Variants in AOPEP observed in about 807,000 individuals in gnomAD.
AOPEP encodes the protein aminopeptidase O.
A neutral mutation model predicts 98.1 loss-of-function variants in AOPEP; 77 were observed. The ratio of observed to expected loss-of-function variants is 0.78; its 90% CI spans 0.65 to 0.95. The LOEUF is 0.95. Among genes scored for constraint, AOPEP ranks in the 40% least tolerant of loss-of-function variants. The probability of loss-of-function intolerance (pLI) is 0.00; values close to 1 mark genes in which losing one functional copy is unlikely to be tolerated. For missense variants in AOPEP, 1,024 were observed against 1,024.7 expected (o/e 1.00, Z 0.01); for synonymous variants, 346 against 365.3 (o/e 0.95, Z 0.60).
At chr9:94,942,931 T>C (rs1200614568) in intron 7 of AOPEP, among the ~76,000 whole-genome samples, 1 of 147,198 alleles carries the variant, frequency 6.8e-6, no homozygotes, top group Non-Finnish European at 1.5e-5. Flanking sequence ...AAAAAAATCA[T>C]TTACAGTAGC....
chr9:94,880,026 T>C (rs748790045), intron 5 of AOPEP, among the ~76,000 whole-genome samples: 5 of 152,252 alleles, frequency 3.3e-5, no homozygotes, highest in African/African-American at 4.8e-5. Flanking sequence ...CCAAATTAAA[T>C]GCATTGCACT....
At chr9:95,114,678 TCA>T in the AOPEP span, 3 of 1,614,184 alleles carry the variant, frequency 1.9e-6, no homozygotes, top group Non-Finnish European at 8.5e-7. Context: ...GAAATATGCT[TCA>T]GTGTCTGGAG....
chr9:95,082,798 A>C (rs1475986012), intron 16 of AOPEP, 79 bp downstream of exon 16: 2 of 1,521,906 alleles, frequency 1.3e-6, no homozygotes, highest in Non-Finnish European at 1.8e-6. Flanking sequence ...CAGTAAGCCG[A>C]ATAGTTAGCC....
intron 14 of AOPEP, among the ~76,000 whole-genome samples, chr9:95,069,256 C>T (rs1287735363): frequency 1.3e-5 from 2 of 152,268 alleles, no homozygotes; most frequent in South Asian, 2.1e-4. Context: ...TGGGGAGGTC[C>T]TCCAGGCTGA....
intron 5 of AOPEP, among the ~76,000 whole-genome samples, chr9:94,823,102 T>G (rs774780449): frequency 6.6e-6 from 1 of 152,184 alleles, no homozygotes; most frequent in Non-Finnish European, 1.5e-5. Flanking sequence ...GTTCAAGTGA[T>G]TCTCCTGCCT....
At chr9:95,102,470 T>C in the AOPEP span, among the ~76,000 whole-genome samples, 1 of 152,212 alleles carries the variant, frequency 6.6e-6, no homozygotes. Flanking sequence ...AGGGTGAGAA[T>C]CTTACAATTT....
intron 7 of AOPEP, among the ~76,000 whole-genome samples, chr9:94,934,334 T>TTTTTTTG (rs1156808051): frequency 6.8e-6 from 1 of 147,852 alleles, no homozygotes; most frequent in African/African-American, 2.5e-5. Flanking sequence ...TTTTTTTTTT[T>TTTTTTTG]GAGACAGAGT....
intron 5 of AOPEP, among the ~76,000 whole-genome samples, chr9:94,922,748 C>T (rs961309391): frequency 2.0e-5 from 3 of 152,166 alleles, no homozygotes; most frequent in Admixed American, 6.5e-5. Flanking sequence ...TTTCTGGTGT[C>T]CTCTTCAGAG....
chr9:94,736,641 G>T (rs2131821996), intron 1 of AOPEP, among the ~76,000 whole-genome samples: 1 of 152,278 alleles, frequency 6.6e-6, no homozygotes, highest in Non-Finnish European at 1.5e-5. Context: ...TGGGTGGTCT[G>T]ATACCACCTT....
chr9:94,942,675 G>A (rs1219382711), intron 7 of AOPEP, among the ~76,000 whole-genome samples: 3 of 152,056 alleles, frequency 2.0e-5, no homozygotes, highest in Non-Finnish European at 4.4e-5. Context: ...TAAATCCTAA[G>A]TAATCCTCCA....
At chr9:95,142,770 C>A in the AOPEP span, among the ~76,000 whole-genome samples, 1 of 152,200 alleles carries the variant, frequency 6.6e-6, no homozygotes, top group African/African-American at 2.4e-5. Flanking sequence ...CCCCGAGCTG[C>A]GAGTGTTAGA....
At chr9:94,941,576 G>C (rs1457282815) in intron 7 of AOPEP, among the ~76,000 whole-genome samples, 2 of 152,348 alleles carry the variant, frequency 1.3e-5, no homozygotes, top group Middle Eastern at 3.4e-3. Context: ...ACCAGCCTGA[G>C]CTGCCCACTC....
At chr9:94,778,692 T>C (rs538070419) in intron 3 of AOPEP, among the ~76,000 whole-genome samples, 113 of 152,280 alleles carry the variant, frequency 7.4e-4, no homozygotes, top group Non-Finnish European at 1.3e-3. Context: ...ATTATGTAAG[T>C]GTGTTTATCT....
chr9:94,998,012 G>T (rs1032406961), intron 11 of AOPEP, among the ~76,000 whole-genome samples: 2 of 151,994 alleles, frequency 1.3e-5, no homozygotes, highest in South Asian at 4.2e-4. Flanking sequence ...AACTCTTTAA[G>T]GTTATAATGT....
chr9:94,953,223 A>G (rs1164387022), intron 7 of AOPEP, among the ~76,000 whole-genome samples: 1 of 152,214 alleles, frequency 6.6e-6, no homozygotes, highest in Admixed American at 6.5e-5. Flanking sequence ...CAAACCTGAG[A>G]GCAGTGAAAA....
At chr9:95,067,806 C>T (rs752997099) in intron 14 of AOPEP, among the ~76,000 whole-genome samples, 3 of 152,170 alleles carry the variant, frequency 2.0e-5, no homozygotes, top group Non-Finnish European at 2.9e-5. Flanking sequence ...AACATTTTGT[C>T]ATCCCCAAAA....
At chr9:95,130,037 CA>C in the AOPEP span, among the ~76,000 whole-genome samples, 1 of 152,258 alleles carries the variant, frequency 6.6e-6, no homozygotes, top group East Asian at 1.9e-4. Context: ...AATCAACACA[CA>C]ATAACCATGG....
At chr9:95,006,269 A>G (rs1439226185) in intron 13 of AOPEP, 3 of 341,664 alleles carry the variant, frequency 8.8e-6, no homozygotes, top group African/African-American at 6.4e-5. Flanking sequence ...AAAGTGAATA[A>G]TTTTTTGACA....
chr9:95,071,120 C>T (rs1739578436), intron 14 of AOPEP, among the ~76,000 whole-genome samples: 1 of 152,168 alleles, frequency 6.6e-6, no homozygotes, highest in Non-Finnish European at 1.5e-5. Flanking sequence ...CAGGTCAAGT[C>T]TTCCTTATCC....
Sources: allele counts gnomAD v4.1 joint callset (sites outside exome capture counted in the v4.1 genomes callset), GRCh38; gene constraint gnomAD v4.1.1; transcripts MANE v1.5; gene names NCBI Gene and HGNC (gene_info 2026-07-23, HGNC 2026-07-21).